Variants in KPNA5 observed in about 807,000 individuals in gnomAD.
The protein encoded by KPNA5 is importin subunit alpha-6.
In KPNA5, 46 loss-of-function variants were observed where a neutral mutation model predicts 71.3. The ratio of observed to expected loss-of-function variants is 0.65; its 90% CI spans 0.51 to 0.83. KPNA5 has a LOEUF of 0.83. KPNA5 is among the 40% of genes least tolerant of loss of function. The probability of loss-of-function intolerance (pLI) is 0.00; values close to 1 mark genes in which losing one functional copy is unlikely to be tolerated. For missense variants in KPNA5, 547 were observed against 628.3 expected (o/e 0.87, Z 1.38); for synonymous variants, 207 against 201.4 (o/e 1.03, Z -0.24).
intron 6 of KPNA5, among the ~76,000 whole-genome samples, chr6:116,702,729 C>T (rs1396131446): frequency 6.6e-6 from 1 of 152,162 alleles, no homozygotes; most frequent in East Asian, 1.9e-4. Context: ...CAACGAATGG[C>T]AGAGCCGGGT....
rs753849919 is a variant in KPNA5, at chr6:116,689,466, A to G, written c.138+13A>G. ...AAGAGAAGAACAGGTAGGTGTTTTT[A>G]GCTATTTAATTTTGTTTTTTAAAAT... is the stretch of plus-strand genomic sequence containing the variant. On this transcript the variant is annotated intron_variant, in intron 2 of 13. Transcript: ENST00000368564. The G allele has an allele frequency of 1.3e-6, 2 of 1,542,458 alleles. No homozygotes were observed. Among genetic ancestry groups the G allele is most frequent in the Non-Finnish European group, 1.7e-6 (2 of 1,152,316 alleles).
rs1362661922 is a variant in KPNA5 at position 116,735,769 on chromosome 6, T to TA, written c.*3452dup. The TA allele has an allele frequency of 1.3e-5, 2 of 151,514 alleles. No homozygotes were observed. Among genetic ancestry groups the TA allele is most frequent in the Non-Finnish European group, 3.0e-5 (2 of 67,716 alleles). The allele number at this position is 151,514 out of a possible 1,614,324, so 9.4% of individuals were successfully genotyped here. The stretch of plus-strand genomic sequence containing the variant: ...TAACAAAGGAGAAAAAATAGAATTA[T>TA]AAAAAATAGCTAATCCAAAACTAGA... On this transcript the variant is annotated 3_prime_UTR_variant, in exon 14 of 14. Transcript: ENST00000368564.
In KPNA5 at chr6:116,732,318, C is replaced by A; in HGVS notation, c.1615C>A (p.Leu539Ile). ...QQEAPMDGFQ[L>I] The stretch of plus-strand genomic sequence containing the variant: ...GGAAGCACCAATGGATGGATTTCAA[C>A]TTTAACTTACTGGAGGAAAAAAAAT... The change falls in exon 14 of 14, where the codon CTT becomes ATT. Residue 539 changes from leucine (L) to isoleucine (I), a missense_variant. By Grantham distance (5) the Leu-to-Ile change is conservative (BLOSUM62 2). Coordinates refer to ENST00000368564, the MANE Select transcript of KPNA5 (RefSeq NM_001366306.2). 2.0e-6 allele frequency: 3 copies of A among 1,487,344 alleles called. No homozygotes were observed. Among genetic ancestry groups the A allele is most frequent in the Non-Finnish European group, 2.7e-6 (3 of 1,115,450 alleles). The allele number at this position is 1,487,344 out of a possible 1,614,324, so 92.1% of individuals were successfully genotyped here. A position where few individuals can be genotyped will look rare whatever the true frequency, so the allele number is the denominator to read the frequency against.
intron 7 of KPNA5, among the ~76,000 whole-genome samples, chr6:116,710,439 G>A (rs1183856610): frequency 6.6e-6 from 1 of 151,970 alleles, no homozygotes; most frequent in Non-Finnish European, 1.5e-5. Context: ...TATTTATGGG[G>A]TACACGCGGT....
At chr6:116,708,139 GTTCA>G (rs1778518280) in intron 7 of KPNA5, among the ~76,000 whole-genome samples, 1 of 152,080 alleles carries the variant, frequency 6.6e-6, no homozygotes, top group Non-Finnish European at 1.5e-5. Flanking sequence ...GCCACATTTT[GTTCA>G]TTCATTAATA....
At chr6:116,697,744 A>G (rs1405163656) in intron 4 of KPNA5, among the ~76,000 whole-genome samples, 1 of 152,018 alleles carries the variant, frequency 6.6e-6, no homozygotes, top group East Asian at 1.9e-4. Context: ...GTAATATACA[A>G]TTTAGGTGGT....
intron 4 of KPNA5, among the ~76,000 whole-genome samples, chr6:116,698,443 C>T (rs1351021729): frequency 6.6e-6 from 1 of 151,838 alleles, no homozygotes; most frequent in African/African-American, 2.4e-5. Flanking sequence ...CAATAGCCTT[C>T]AATTTATGAA....
At chr6:116,686,859 T>A (rs1473971673) in intron 1 of KPNA5, among the ~76,000 whole-genome samples, 1 of 152,274 alleles carries the variant, frequency 6.6e-6, no homozygotes, top group South Asian at 2.1e-4. Flanking sequence ...TGTGGCCTTA[T>A]TTATGGGCTA....
chr6:116,726,144 T>G (rs1297073167), intron 11 of KPNA5, among the ~76,000 whole-genome samples: 8 of 151,994 alleles, frequency 5.3e-5, no homozygotes. Context: ...TGCATTAGTT[T>G]TAAATAAGTT....
chr6:116,732,074 T>TATATATATATATA (rs1554258547), intron 13 of KPNA5, 62 bp from the exon 14 acceptor site: 2 of 66,302 alleles, frequency 3.0e-5, no homozygotes, highest in Non-Finnish European at 6.3e-5. Flanking sequence ...AACAGTTTGT[T>TATATATATATATA]TATATATATA....
At chr6:116,705,190 T>C (rs563699620) in intron 7 of KPNA5, 30 bp downstream of exon 7, 33 of 1,428,544 alleles carry the variant, frequency 2.3e-5, no homozygotes, top group Middle Eastern at 2.3e-4. Context: ...TAAGTATATA[T>C]CAAAAACTAT....
At chr6:116,726,165 C>T (rs981576871) in intron 11 of KPNA5, among the ~76,000 whole-genome samples, 8 of 151,816 alleles carry the variant, frequency 5.3e-5, no homozygotes, top group African/African-American at 1.9e-4. Context: ...ATGCAATAAT[C>T]TTCCTCTCAA....
chr6:116,739,694 A>G lies in KPNA5; in HGVS notation c.*7371A>G, dbSNP rs138243073. On this transcript the variant is annotated 3_prime_UTR_variant, in exon 14 of 14. Transcript: ENST00000368564. ...ACAGAGCCATCAGAAATAATGCCGC[A>G]TATCTACAACTATCTGATCTTTGAC... 0.06 allele frequency: 9,075 copies of G among 152,144 alleles called. 344 individuals are homozygous for G. Among genetic ancestry groups the G allele is most frequent in the African/African-American group, 0.11 (4,613 of 41,454 alleles). The allele number at this position is 152,144 out of a possible 1,614,324, so 9.4% of individuals were successfully genotyped here.
rs773719944 is a variant in KPNA5 at position 116,681,358 on chromosome 6, G to A, written c.4+20G>A. The A allele has an allele frequency of 1.9e-6, 3 of 1,585,038 alleles. No homozygotes were observed. The highest frequency in any genetic ancestry group is 2.6e-6 in the Non-Finnish European group (3 of 1,164,028). On this transcript the variant is annotated intron_variant, in intron 1 of 13. Coordinates refer to ENST00000368564, the MANE Select transcript of KPNA5 (RefSeq NM_001366306.2). ...TAATGGGTAAGTTGGAGTGAACACG[G>A]GCTAGGTTGGGGGAGCCTCGGTTTT...
At chr6:116,704,197 C>A (rs1778346498) in intron 6 of KPNA5, among the ~76,000 whole-genome samples, 1 of 152,126 alleles carries the variant, frequency 6.6e-6, no homozygotes, top group South Asian at 2.1e-4. Context: ...TGCAATCACA[C>A]CCAGCTAGTT....
At chr6:116,705,867 G>T (rs1778420258) in intron 7 of KPNA5, among the ~76,000 whole-genome samples, 1 of 152,196 alleles carries the variant, frequency 6.6e-6, no homozygotes, top group African/African-American at 2.4e-5. Flanking sequence ...TGAATAGGAA[G>T]AATACATTTC....
intron 4 of KPNA5, 141 bp from the exon 5 acceptor site, chr6:116,698,563 A>G (rs774165244): frequency 1.3e-4 from 68 of 543,010 alleles, no homozygotes; most frequent in South Asian, 6.3e-4. Flanking sequence ...TTTGACTTCA[A>G]TTACATCTAG....
At chr6:116,698,236 C>G (rs1245200536) in intron 4 of KPNA5, among the ~76,000 whole-genome samples, 1 of 151,928 alleles carries the variant, frequency 6.6e-6, no homozygotes, top group African/African-American at 2.4e-5. Context: ...TGTAGACAGT[C>G]CGTTAACATT....
Position 116,681,527 on chromosome 6 carries a change from CT to C in KPNA5, c.4+192del, listed in dbSNP as rs1777354503. On this transcript the variant is annotated intron_variant, in intron 1 of 13. Transcript: ENST00000368564. ...GGTCGCGGGGGCGTGGCAGCCGGAC[CT>C]TTCCCTTGCGGACGCGAAGGCGTGG... 1.2e-5 allele frequency: 16 copies of C among 1,352,014 alleles called. No individual in the cohort carries two copies. In the South Asian group the frequency reaches 1.9e-4, roughly 16 times the overall value. 83.8% of individuals were successfully genotyped at this position (1,352,014 alleles called of 1,614,324 possible). A position where few individuals can be genotyped will look rare whatever the true frequency, so the allele number is the denominator to read the frequency against.
Sources: allele counts gnomAD v4.1 joint callset (sites outside exome capture counted in the v4.1 genomes callset), GRCh38; gene constraint gnomAD v4.1.1; transcripts MANE v1.5; gene names NCBI Gene and HGNC (gene_info 2026-07-23, HGNC 2026-07-21).